The following ARMC2 variants were observed in gnomAD, a reference collection of about 807,000 sequenced individuals.
The protein encoded by ARMC2 is armadillo repeat containing 2.
A neutral mutation model predicts 90.3 loss-of-function variants in ARMC2; 67 were observed. That is an observed-to-expected ratio of 0.74 (90% CI 0.61 to 0.91). The LOEUF is 0.91. ARMC2 is among the 40% of genes least tolerant of loss of function. The probability of loss-of-function intolerance (pLI) is 0.00; values close to 1 mark genes in which losing one functional copy is unlikely to be tolerated. For missense variants in ARMC2, 920 were observed against 1,030.9 expected, an observed-to-expected ratio of 0.89 and a Z score of 1.47; for synonymous variants, 393 against 393.0, an observed-to-expected ratio of 1.00 and a Z score of 0.00.
rs775271394 is a variant in ARMC2 at position 108,965,123 on chromosome 6, T to G, written c.2429T>G (p.Leu810Trp). 6.2e-7 allele frequency: 1 copy of G among 1,606,662 alleles called. No homozygotes were observed. Among genetic ancestry groups the G allele is most frequent in the South Asian group, 1.1e-5 (1 of 90,902 alleles). ...GNEDTNTLLL[L>W]LSSFLDEELA... ...GAAGACACCAACACACTCTTACTCT[T>G]GCTCTCATCATTTTTAGGTAAGACT... The change falls in exon 17 of 18, where the codon TTG (leucine) becomes TGG (tryptophan). Residue 810 changes from leucine (L) to tryptophan (W), a missense_variant. By Grantham distance (61) the Leu-to-Trp change is moderately conservative (BLOSUM62 -2). Transcript: ENST00000392644.
At chr6:108,876,540 T>C (rs976969718) in intron 5 of ARMC2, among the ~76,000 whole-genome samples, 190 bp downstream of exon 5, 1 of 152,226 alleles carries the variant, frequency 6.6e-6, no homozygotes, top group Non-Finnish European at 1.5e-5. Context: ...ATTCCTTATA[T>C]AATACTCAAG....
chr6:108,966,592 C>T (rs998892540), intron 17 of ARMC2, among the ~76,000 whole-genome samples: 1 of 151,920 alleles, frequency 6.6e-6, no homozygotes, highest in African/African-American at 2.4e-5. Flanking sequence ...TAATTTTGTA[C>T]ATGTGTTTTA....
At chr6:108,927,792 A>G (rs1775225374) in intron 10 of ARMC2, among the ~76,000 whole-genome samples, 1 of 152,130 alleles carries the variant, frequency 6.6e-6, no homozygotes, top group South Asian at 2.1e-4. Flanking sequence ...CCAGCTGAAG[A>G]TCTTAGGAGT....
At chr6:109,048,312 T>C in the ARMC2 span, among the ~76,000 whole-genome samples, 2 of 152,262 alleles carry the variant, frequency 1.3e-5, no homozygotes, top group Admixed American at 1.3e-4. Context: ...GGAGCCACCT[T>C]CCTGAGACAT....
In ARMC2 at chr6:108,883,110, T is replaced by C. The variant is rs116188674; in HGVS notation, c.671+6760T>C. 4.2e-3 allele frequency among the ~76,000 whole-genome samples: 638 copies of C among 152,328 alleles called. 3 individuals are homozygous for C. Among genetic ancestry groups the C allele is most frequent in the African/African-American group, 0.014 (598 of 41,574 alleles). On this transcript the variant is annotated intron_variant, in intron 5 of 17. Transcript: ENST00000392644. ...GTTTCATATGGCTCTCCCGGCTGAA[T>C]GAACAAGTCACATAAAAGGAGAAGA... is the stretch of plus-strand genomic sequence containing the variant.
At chr6:108,900,783 G>A (rs1468747236) in intron 7 of ARMC2, among the ~76,000 whole-genome samples, 1 of 152,168 alleles carries the variant, frequency 6.6e-6, no homozygotes, top group Non-Finnish European at 1.5e-5. Context: ...CCTAGACTCT[G>A]TGTGCAATAG....
chr6:108,869,971 G>A (rs1239696887), intron 4 of ARMC2, among the ~76,000 whole-genome samples: 14 of 152,182 alleles, frequency 9.2e-5, no homozygotes, highest in Non-Finnish European at 1.5e-5. Flanking sequence ...CACGATAGGG[G>A]TAAGTATTGC....
chr6:108,933,607 G>A (rs1198844584), intron 11 of ARMC2, among the ~76,000 whole-genome samples: 1 of 152,072 alleles, frequency 6.6e-6, no homozygotes, highest in African/African-American at 2.4e-5. Flanking sequence ...GTACCCTTCT[G>A]CAAACAGAGA....
the ARMC2 span, chr6:108,998,425 G>T: frequency 6.6e-7 from 1 of 1,517,156 alleles, no homozygotes. Flanking sequence ...TAACAGGGTG[G>T]GTTTTTCTAA....
At position 108,928,123 on chromosome 6, in the gene ARMC2, A is replaced by G. The variant is rs1201903043; in HGVS notation, c.1386A>G (p.Ser462=). Residue 462 remains serine (S), a synonymous_variant, in exon 11 of 18, where the codon TCA becomes TCG. Transcript: ENST00000392644. ...TATLRNLVDS[S]LVRSKFLNIS... ...CATTGAGAAACTTGGTTGATTCATCATTAGTAAGAAGTAAGTTCCTAAACA... is the reference window on the plus strand; with the variant it reads ...CATTGAGAAACTTGGTTGATTCATCGTTAGTAAGAAGTAAGTTCCTAAACA... 4 of 1,612,782 alleles carry G rather than the reference A, an allele frequency of 2.5e-6. No individual in the cohort carries two copies. The African/African-American group carries it at 4.0e-5, about 16-fold the overall frequency.
chr6:109,043,379 T>TA, the ARMC2 span, among the ~76,000 whole-genome samples: 4 of 151,882 alleles, frequency 2.6e-5, no homozygotes, highest in Non-Finnish European at 1.5e-5. Context: ...GCCATACAGA[T>TA]AAAAAACAAC....
At chr6:108,915,198 TG>T (rs1387188553) in intron 10 of ARMC2, among the ~76,000 whole-genome samples, 6 of 152,102 alleles carry the variant, frequency 3.9e-5, no homozygotes, top group African/African-American at 1.4e-4. Flanking sequence ...TCAGGTGATC[TG>T]CCCACCTCGG....
intron 3 of ARMC2, among the ~76,000 whole-genome samples, chr6:108,864,834 G>A (rs552875825): frequency 1.3e-5 from 2 of 152,042 alleles, no homozygotes; most frequent in African/African-American, 4.8e-5. Context: ...CTTCTTTGAC[G>A]GGGTTGTCCT....
chr6:108,865,521 C>T (rs938618009), intron 3 of ARMC2, among the ~76,000 whole-genome samples: 6 of 152,108 alleles, frequency 3.9e-5, no homozygotes, highest in African/African-American at 9.7e-5. Flanking sequence ...CCATGAGATG[C>T]GTGTTTAAAT....
At chr6:108,916,370 A>G (rs910520592) in intron 10 of ARMC2, among the ~76,000 whole-genome samples, 3 of 152,240 alleles carry the variant, frequency 2.0e-5, no homozygotes, top group Non-Finnish European at 4.4e-5. Context: ...CCACATGGCC[A>G]ACATTGCATT....
At chr6:108,890,241 T>C (rs1469783547) in intron 5 of ARMC2, among the ~76,000 whole-genome samples, 1 of 137,584 alleles carries the variant, frequency 7.3e-6, no homozygotes, top group African/African-American at 2.8e-5. Flanking sequence ...AGTGGTTTCT[T>C]AGTTCCTCAG....
Position 108,904,245 on chromosome 6 carries a change from C to T in ARMC2, c.863C>T (p.Thr288Met), listed in dbSNP as rs752222007. 3.7e-5 allele frequency: 59 copies of T among 1,612,920 alleles called. No individual in the cohort carries two copies. Among genetic ancestry groups the T allele is most frequent in the Admixed American group, 2.5e-4 (15 of 59,718 alleles). The change falls in exon 8 of 18, where the codon ACG (threonine) becomes ATG (methionine). Residue 288 changes from threonine to methionine, a missense_variant. Coordinates refer to ENST00000392644, the MANE Select transcript of ARMC2 (RefSeq NM_032131.6). ...RELEKEENIE[T>M]VCAACTQLHH... Reference sequence around the variant, plus strand: ...GCTCTGACAGAAGAAAACATTGAAACGGTTTGTGCTGCTTGCACACAACTT... The same window carrying T: ...GCTCTGACAGAAGAAAACATTGAAATGGTTTGTGCTGCTTGCACACAACTT...
At chr6:108,937,031 A>G (rs1431924737) in intron 12 of ARMC2, 32 bp downstream of exon 12, 2 of 1,493,502 alleles carry the variant, frequency 1.3e-6, no homozygotes, top group Non-Finnish European at 9.1e-7. Flanking sequence ...TTCTTCAATG[A>G]GTCTTTACAC....
chr6:108,985,704 G>A, the ARMC2 span, among the ~76,000 whole-genome samples: 2 of 152,068 alleles, frequency 1.3e-5, no homozygotes, highest in Non-Finnish European at 2.9e-5. Context: ...TAGAAATTTT[G>A]TATTTTCAAG....
Sources: allele counts gnomAD v4.1 joint callset (sites outside exome capture counted in the v4.1 genomes callset), GRCh38; gene constraint gnomAD v4.1.1; transcripts MANE v1.5; gene names NCBI Gene and HGNC (gene_info 2026-07-23, HGNC 2026-07-21).